The following GRIP1 variants were observed in gnomAD, a reference collection of about 807,000 sequenced individuals.
GRIP1 encodes glutamate receptor interacting protein 1, also known as glutamate receptor-interacting protein 1.
Under a neutral mutation model 129.9 loss-of-function variants are expected in GRIP1, and 45 were observed. That is an observed-to-expected ratio of 0.35 (90% confidence interval 0.27 to 0.44). The LOEUF (loss-of-function observed/expected upper bound fraction) is 0.44, where lower values mean the gene tolerates loss of function less well. GRIP1 is among the 20% of genes least tolerant of loss of function. GRIP1 has a pLI of 1.00. For missense variants in GRIP1, 1,196 were observed against 1,396.8 expected (o/e 0.86, Z 2.29); for synonymous variants, 530 against 520.8 (o/e 1.02, Z -0.24).
intron 7 of GRIP1, among the ~76,000 whole-genome samples, chr12:66,467,859 T>C (rs1372159729): frequency 1.3e-5 from 2 of 152,236 alleles, no homozygotes; most frequent in East Asian, 3.8e-4. Context: ...CATGGTCTTG[T>C]TGGATTTTAA....
chr12:66,712,902 G>A (rs913475285), intron 1 of GRIP1, among the ~76,000 whole-genome samples: 4 of 151,986 alleles, frequency 2.6e-5, no homozygotes, highest in Non-Finnish European at 5.9e-5. Flanking sequence ...TGAACTCATT[G>A]AGGGCAGGGG....
At chr12:66,984,174 A>G (rs2042277628) in intron 1 of GRIP1, among the ~76,000 whole-genome samples, 1 of 152,192 alleles carries the variant, frequency 6.6e-6, no homozygotes, top group African/African-American at 2.4e-5. Flanking sequence ...CATAGTTATA[A>G]TGAGCCTACA....
At chr12:66,413,260 A>G (rs1018743748) in intron 15 of GRIP1, among the ~76,000 whole-genome samples, 2 of 152,182 alleles carry the variant, frequency 1.3e-5, no homozygotes, top group Non-Finnish European at 2.9e-5. Flanking sequence ...ACAGTCTCTC[A>G]GACCACAGCA....
chr12:66,482,304 C>A (rs1479872508), intron 7 of GRIP1, among the ~76,000 whole-genome samples: 1 of 152,110 alleles, frequency 6.6e-6, no homozygotes, highest in Non-Finnish European at 1.5e-5. Context: ...TCTGAGGATG[C>A]TGAGCCTGAT....
At chr12:66,819,663 C>T (rs1174701812) in intron 1 of GRIP1, among the ~76,000 whole-genome samples, 1 of 152,174 alleles carries the variant, frequency 6.6e-6, no homozygotes, top group Non-Finnish European at 1.5e-5. Flanking sequence ...TGAATAGTTA[C>T]TGTCAACATT....
At chr12:66,763,567 T>C (rs1235377905) in intron 1 of GRIP1, among the ~76,000 whole-genome samples, 1 of 152,132 alleles carries the variant, frequency 6.6e-6, no homozygotes, top group Non-Finnish European at 1.5e-5. Flanking sequence ...TTGGAGTTTA[T>C]CCCCACATGA....
chr12:66,471,297 T>C (rs577387267), intron 7 of GRIP1, among the ~76,000 whole-genome samples: 3 of 152,324 alleles, frequency 2.0e-5, no homozygotes, highest in South Asian at 2.1e-4. Context: ...GAGGTGCAGT[T>C]TGACTCCACT....
chr12:66,838,864 G>A (rs749353476), intron 1 of GRIP1, among the ~76,000 whole-genome samples: 13 of 152,108 alleles, frequency 8.5e-5, no homozygotes, highest in Non-Finnish European at 1.3e-4. Context: ...TATTGGGGTC[G>A]GAGATAAAGG....
At chr12:66,988,273 ACT>A (rs760159747) in intron 1 of GRIP1, among the ~76,000 whole-genome samples, 5 of 152,090 alleles carry the variant, frequency 3.3e-5, no homozygotes, top group Non-Finnish European at 7.4e-5. Flanking sequence ...TGGGAGTGAA[ACT>A]CTGTCTCAAA....
chr12:66,730,724 C>T (rs1472108670), intron 1 of GRIP1, among the ~76,000 whole-genome samples: 1 of 121,398 alleles, frequency 8.2e-6, no homozygotes, highest in Admixed American at 7.8e-5. Flanking sequence ...AAAAAAAACT[C>T]ATACATGGTA....
intron 15 of GRIP1, among the ~76,000 whole-genome samples, chr12:66,407,244 G>T (rs879696875): frequency 1.4e-5 from 2 of 141,960 alleles, no homozygotes; most frequent in Admixed American, 6.7e-5. Context: ...CCCACCTCCT[G>T]CCTGTAGCTA....
chr12:67,027,556 C>T (rs895118245), intron 1 of GRIP1, among the ~76,000 whole-genome samples: 9 of 152,138 alleles, frequency 5.9e-5, no homozygotes, highest in African/African-American at 2.2e-4. Flanking sequence ...GTCTAATAGG[C>T]GAGACAAATA....
chr12:66,890,674 A>T (rs2040643715), intron 1 of GRIP1, among the ~76,000 whole-genome samples: 1 of 152,222 alleles, frequency 6.6e-6, no homozygotes, highest in South Asian at 2.1e-4. Flanking sequence ...AATAGATAAA[A>T]TTTTAATAAA....
At chr12:66,857,020 A>G (rs1335469952) in intron 1 of GRIP1, among the ~76,000 whole-genome samples, 2 of 152,200 alleles carry the variant, frequency 1.3e-5, no homozygotes, top group Non-Finnish European at 1.5e-5. Flanking sequence ...TGACACATAT[A>G]CACCATGGAA....
intron 1 of GRIP1, among the ~76,000 whole-genome samples, chr12:66,646,775 G>A (rs1350258588): frequency 1.3e-5 from 2 of 152,110 alleles, no homozygotes; most frequent in African/African-American, 4.8e-5. Flanking sequence ...AAAGCAACAG[G>A]GGGCCCTGGC....
chr12:66,628,995 T>C (rs1436517632), intron 1 of GRIP1, among the ~76,000 whole-genome samples: 1 of 152,236 alleles, frequency 6.6e-6, no homozygotes, highest in Non-Finnish European at 1.5e-5. Context: ...CAACAATCAT[T>C]TTTAAATGCT....
chr12:66,686,470 C>A (rs1051813122), intron 1 of GRIP1, among the ~76,000 whole-genome samples: 2 of 152,182 alleles, frequency 1.3e-5, no homozygotes, highest in Non-Finnish European at 2.9e-5. Flanking sequence ...GTAATTCATG[C>A]GTCTGTTTTT....
chr12:66,922,704 A>T (rs2137366778), intron 1 of GRIP1, among the ~76,000 whole-genome samples: 1 of 152,302 alleles, frequency 6.6e-6, no homozygotes, highest in East Asian at 1.9e-4. Flanking sequence ...CTTCAAAGGG[A>T]ACTGACTCAG....
chr12:66,764,992 A>G (rs1405474146), intron 1 of GRIP1, among the ~76,000 whole-genome samples: 1 of 152,220 alleles, frequency 6.6e-6, no homozygotes, highest in Non-Finnish European at 1.5e-5. Context: ...AGTAGGCTCT[A>G]TTATTATCCT....
Sources: allele counts gnomAD v4.1 joint callset (sites outside exome capture counted in the v4.1 genomes callset), GRCh38; gene constraint gnomAD v4.1.1; transcripts MANE v1.5; gene names NCBI Gene and HGNC (gene_info 2026-07-23, HGNC 2026-07-21).